Variants in ALKAL1 observed in about 807,000 individuals in gnomAD.
The protein encoded by ALKAL1 is AUG-beta.
ALKAL1 carries 23 observed loss-of-function variants against 13.5 expected under a neutral mutation model. That is an observed-to-expected ratio of 1.70 (90% CI 1.23 to 2.41). ALKAL1 has a LOEUF of 2.41. Among genes scored for constraint, ALKAL1 ranks in the 30% most tolerant of loss-of-function variants. ALKAL1 has a pLI of 0.00. For synonymous variants in ALKAL1, 85 were observed against 77.7 expected, an observed-to-expected ratio of 1.09 and a Z score of -0.49; for missense variants, 181 against 178.4, an observed-to-expected ratio of 1.01 and a Z score of -0.08.
At position 52,565,160 on chromosome 8, in the gene ALKAL1, T is replaced by A. The variant is rs1290938468; in HGVS notation, c.97A>T (p.Arg33Trp). ...TCCTTATCCGTGACGCGCGCTCCCC[T>A]GCGCCCCCGGGGCCTCCCGTGGGCT... Reference protein sequence around the residue: ...HGAHGRPRGRRGARVTDKEPK... With the variant: ...HGAHGRPRGRWGARVTDKEPK... Residue 33 changes from arginine (R) to tryptophan (W), a missense_variant, in exon 1 of 5, where the codon AGG becomes TGG. Physicochemically the swap from Arg to Trp is moderately radical, Grantham distance 101 (BLOSUM62 -3). Transcript: ENST00000358543. 5.7e-6 allele frequency: 8 copies of A among 1,393,896 alleles called. No individual in the cohort carries two copies. In the Admixed American group the frequency reaches 9.6e-5, roughly 17 times the overall value. 86.3% of individuals were successfully genotyped at this position (1,393,896 alleles called of 1,614,324 possible).
intron 4 of ALKAL1, among the ~76,000 whole-genome samples, chr8:52,537,313 CAA>C (rs1337338230): frequency 6.6e-6 from 1 of 151,684 alleles, no homozygotes; most frequent in Non-Finnish European, 1.5e-5. Context: ...GTCAAAAAGA[CAA>C]AAAAATAAAT....
At chr8:52,553,182 T>C (rs577656952) in intron 1 of ALKAL1, among the ~76,000 whole-genome samples, 8 of 152,248 alleles carry the variant, frequency 5.3e-5, no homozygotes, top group South Asian at 2.1e-4. Flanking sequence ...ACTCTATCTC[T>C]ACAAAAAATT....
At chr8:52,553,508 C>CT (rs749247401) in intron 1 of ALKAL1, among the ~76,000 whole-genome samples, 4 of 152,222 alleles carry the variant, frequency 2.6e-5, no homozygotes, top group Non-Finnish European at 5.9e-5. Flanking sequence ...GACAGTCATG[C>CT]TTTGCCTTCT....
At chr8:52,554,003 C>A (rs1467245825) in intron 1 of ALKAL1, among the ~76,000 whole-genome samples, 2 of 152,208 alleles carry the variant, frequency 1.3e-5, no homozygotes, top group Non-Finnish European at 2.9e-5. Flanking sequence ...GCGGGCAGAT[C>A]ACCTGTGGTC....
intron 4 of ALKAL1, among the ~76,000 whole-genome samples, chr8:52,537,268 T>G (rs1188159662): frequency 6.6e-6 from 1 of 152,178 alleles, no homozygotes; most frequent in Middle Eastern, 3.2e-3. Flanking sequence ...ATAACCATGA[T>G]GAGATATCAT....
chr8:52,542,536 T>G (rs1847324654), intron 1 of ALKAL1, 91 bp from the exon 2 acceptor site: 1 of 770,418 alleles, frequency 1.3e-6, no homozygotes, highest in African/African-American at 1.8e-5. Context: ...AATAAGGCAC[T>G]AAACACATGG....
chr8:52,564,215 C>T (rs1276233571), intron 1 of ALKAL1, among the ~76,000 whole-genome samples: 1 of 152,158 alleles, frequency 6.6e-6, no homozygotes, highest in Non-Finnish European at 1.5e-5. Context: ...GTCCCAGCCT[C>T]GCCGGCAGCT....
At chr8:52,553,945 C>G (rs900938180) in intron 1 of ALKAL1, among the ~76,000 whole-genome samples, 1 of 152,078 alleles carries the variant, frequency 6.6e-6, no homozygotes, top group African/African-American at 2.4e-5. Context: ...AAAACAGGGC[C>G]GGGTGCAGTG....
At chr8:52,539,960 A>G (rs778886905) in intron 2 of ALKAL1, 49 bp from the exon 3 acceptor site, 1 of 1,547,496 alleles carries the variant, frequency 6.5e-7, no homozygotes, top group Admixed American at 1.7e-5. Flanking sequence ...CATGTTTTCC[A>G]AACAAATTTC....
intron 4 of ALKAL1, among the ~76,000 whole-genome samples, chr8:52,535,073 C>T (rs1321552610): frequency 6.6e-6 from 1 of 152,102 alleles, no homozygotes; most frequent in African/African-American, 2.4e-5. Flanking sequence ...TGTACATTAT[C>T]TTAAATTATA....
chr8:52,565,082 C>G lies in ALKAL1; in HGVS notation c.175G>C (p.Gly59Arg). 1 of 1,407,592 alleles carries G rather than the reference C, an allele frequency of 7.1e-7. No homozygotes were observed. Among genetic ancestry groups the G allele is most frequent in the Non-Finnish European group, 9.3e-7 (1 of 1,078,164 alleles). 87.2% of individuals were successfully genotyped at this position (1,407,592 alleles called of 1,614,324 possible). A position where few individuals can be genotyped will look rare whatever the true frequency, so the allele number is the denominator to read the frequency against. The change falls in exon 1 of 5, where the codon GGC becomes CGC. Residue 59 changes from glycine to arginine, a missense_variant. Physicochemically the swap from Gly to Arg is moderately radical, Grantham distance 125 (BLOSUM62 -2). Coordinates refer to ENST00000358543, the MANE Select transcript of ALKAL1 (RefSeq NM_207413.4). Reference sequence around the variant, plus strand: ...GACATCGTACCTGCGCTCCGGGAGCCGCTGGGAGTCCGGCCGGCCCCGGCC... The same window carrying G: ...GACATCGTACCTGCGCTCCGGGAGCGGCTGGGAGTCCGGCCGGCCCCGGCC... ...PAAGAGRTPS[G>R]SRSAEIFPRD...
At chr8:52,555,952 A>T (rs1253237419) in intron 1 of ALKAL1, among the ~76,000 whole-genome samples, 1 of 152,128 alleles carries the variant, frequency 6.6e-6, no homozygotes, top group African/African-American at 2.4e-5. Flanking sequence ...TGGTTAAAAC[A>T]AATCCCAGGT....
At chr8:52,546,823 C>G (rs34967758) in intron 1 of ALKAL1, among the ~76,000 whole-genome samples, 2 of 152,176 alleles carry the variant, frequency 1.3e-5, no homozygotes, top group Non-Finnish European at 2.9e-5. Flanking sequence ...GAGGGGCACC[C>G]TTTCTGCAGA....
At chr8:52,554,956 G>T (rs1010328284) in intron 1 of ALKAL1, among the ~76,000 whole-genome samples, 3 of 152,134 alleles carry the variant, frequency 2.0e-5, no homozygotes, top group Non-Finnish European at 4.4e-5. Context: ...CGGATCACGA[G>T]GTCAGGAGAT....
intron 2 of ALKAL1, among the ~76,000 whole-genome samples, chr8:52,541,201 T>A (rs965610172): frequency 6.6e-6 from 1 of 152,110 alleles, no homozygotes; most frequent in Non-Finnish European, 1.5e-5. Context: ...GTGGGCCTGG[T>A]GCAGTGGCTC....
chr8:52,540,225 G>T (rs1432245593), intron 2 of ALKAL1, among the ~76,000 whole-genome samples: 10 of 152,226 alleles, frequency 6.6e-5, no homozygotes, highest in South Asian at 4.1e-4. Flanking sequence ...TGAGCAAATT[G>T]AGTGGACAAG....
At chr8:52,557,669 T>A (rs980797132) in intron 1 of ALKAL1, among the ~76,000 whole-genome samples, 2 of 152,170 alleles carry the variant, frequency 1.3e-5, no homozygotes, top group Non-Finnish European at 2.9e-5. Context: ...ATAGTAATTA[T>A]GGATTCTGTA....
At chr8:52,542,023 C>T (rs1847318425) in intron 2 of ALKAL1, among the ~76,000 whole-genome samples, 1 of 152,092 alleles carries the variant, frequency 6.6e-6, no homozygotes, top group Non-Finnish European at 1.5e-5. Context: ...TTGCCTAAAC[C>T]ACACCCGGTG....
intron 1 of ALKAL1, among the ~76,000 whole-genome samples, chr8:52,546,513 C>T (rs1396560161): frequency 6.6e-6 from 1 of 152,202 alleles, no homozygotes; most frequent in Non-Finnish European, 1.5e-5. Flanking sequence ...CTTACTCAGG[C>T]ATGTCTGGAC....
Sources: allele counts gnomAD v4.1 joint callset (sites outside exome capture counted in the v4.1 genomes callset), GRCh38; gene constraint gnomAD v4.1.1; transcripts MANE v1.5; gene names NCBI Gene and HGNC (gene_info 2026-07-23, HGNC 2026-07-21).